The following SFXN5 variants were observed in gnomAD, a reference collection of about 807,000 sequenced individuals.
The protein encoded by SFXN5 is sideroflexin 5, also known as sideroflexin-5.
SFXN5 carries 43 observed loss-of-function variants against 50.2 expected under a neutral mutation model. The ratio of observed to expected loss-of-function variants is 0.86; its 90% CI spans 0.67 to 1.11. SFXN5 has a LOEUF of 1.11. SFXN5 is among the 50% of genes least tolerant of loss of function. The pLI, the probability that SFXN5 is intolerant of heterozygous loss-of-function variation, is 0.00. For missense variants in SFXN5, 463 were observed against 454.1 expected (o/e 1.02, Z -0.18); for synonymous variants, 203 against 185.8 (o/e 1.09, Z -0.75).
chr2:73,007,558 G>C (rs1674868593), intron 6 of SFXN5, among the ~76,000 whole-genome samples: 1 of 152,076 alleles, frequency 6.6e-6, no homozygotes, highest in African/African-American at 2.4e-5. Context: ...TCAGCAAAAA[G>C]CTGTGGAAAG....
chr2:73,067,888 TG>T (rs1683289919), intron 1 of SFXN5, among the ~76,000 whole-genome samples: 1 of 152,230 alleles, frequency 6.6e-6, no homozygotes, highest in African/African-American at 2.4e-5. Flanking sequence ...AATCTGTTTG[TG>T]TGCTGTAGTT....
chr2:73,061,616 TAA>T (rs1304931947), intron 1 of SFXN5, among the ~76,000 whole-genome samples: 1 of 152,150 alleles, frequency 6.6e-6, no homozygotes, highest in Non-Finnish European at 1.5e-5. Context: ...TCTGTAAGAC[TAA>T]AAGTGTTTCA....
chr2:72,976,405 C>T (rs1009445744), intron 10 of SFXN5, among the ~76,000 whole-genome samples: 26 of 152,044 alleles, frequency 1.7e-4, no homozygotes, highest in Non-Finnish European at 8.8e-5. Flanking sequence ...TACAACATGT[C>T]GGCTTCCTAA....
At chr2:73,042,911 C>T (rs1421614669) in intron 2 of SFXN5, among the ~76,000 whole-genome samples, 3 of 147,398 alleles carry the variant, frequency 2.0e-5, no homozygotes, top group Non-Finnish European at 3.0e-5. Flanking sequence ...ATTAAAAATA[C>T]AAAAAAATTA....
intron 3 of SFXN5, among the ~76,000 whole-genome samples, chr2:73,036,335 G>A (rs1678975628): frequency 6.6e-6 from 1 of 152,198 alleles, no homozygotes; most frequent in South Asian, 2.1e-4. Context: ...TGGTGCTGGG[G>A]GAGCCAGGAG....
In SFXN5 at chr2:72,960,774, C is replaced by T. The variant is rs970939368; in HGVS notation, c.945+357G>A. ...TCAGAACCTTCACACCAGGTGTCCGCGGACCTCACATCTCCCCCCGCCACC... is the reference window on the plus strand; with the variant it reads ...TCAGAACCTTCACACCAGGTGTCCGTGGACCTCACATCTCCCCCCGCCACC... On this transcript the variant is annotated intron_variant, in intron 13 of 13. Coordinates refer to ENST00000272433, the MANE Select transcript of SFXN5 (RefSeq NM_144579.3). The surrounding 1 kb of genome is among the most constrained non-coding windows in gnomAD (Gnocchi z 6.1). Among the ~76,000 whole-genome samples, 1 of 152,128 alleles carries T rather than the reference C, an allele frequency of 6.6e-6. No homozygotes were observed. Among genetic ancestry groups the T allele is most frequent in the South Asian group, 2.1e-4 (1 of 4,826 alleles).
At chr2:72,982,824 G>A (rs566104047) in intron 10 of SFXN5, among the ~76,000 whole-genome samples, 33 of 152,326 alleles carry the variant, frequency 2.2e-4, no homozygotes, top group African/African-American at 5.8e-4. Flanking sequence ...CCTGGGGCCC[G>A]GCAAGAGGGA....
intron 6 of SFXN5, among the ~76,000 whole-genome samples, chr2:73,017,770 T>C (rs1380491946): frequency 6.6e-6 from 1 of 152,190 alleles, no homozygotes; most frequent in African/African-American, 2.4e-5. Context: ...TTGTATCTCC[T>C]AGCTCTGTCC....
intron 9 of SFXN5, among the ~76,000 whole-genome samples, chr2:72,996,156 G>C (rs1230304677): frequency 6.6e-6 from 1 of 152,210 alleles, no homozygotes; most frequent in African/African-American, 2.4e-5. Context: ...TGTGAGTGGG[G>C]AGGACAGGAG....
chr2:72,955,025 G>A (rs1672922540), intron 13 of SFXN5, among the ~76,000 whole-genome samples: 1 of 152,210 alleles, frequency 6.6e-6, no homozygotes, highest in Non-Finnish European at 1.5e-5. Flanking sequence ...CCAGCCAGAG[G>A]GGCAGAGGGC....
chr2:72,943,064 C>T lies in SFXN5; in HGVS notation c.*1958G>A, dbSNP rs913227749. The T allele has an allele frequency of 6.6e-6, 1 of 152,394 alleles. No homozygotes were observed. Among genetic ancestry groups the T allele is most frequent in the African/African-American group, 2.4e-5 (1 of 41,464 alleles). 9.4% of individuals were successfully genotyped at this position (152,394 alleles called of 1,614,324 possible). On this transcript the variant is annotated 3_prime_UTR_variant, in exon 14 of 14. Coordinates refer to ENST00000272433, the MANE Select transcript of SFXN5 (RefSeq NM_144579.3). ...GGGATTGGCTCAAAAAGGCCTGCCC[C>T]TCCAACACCATGGCACCCCCACACT...
intron 6 of SFXN5, among the ~76,000 whole-genome samples, chr2:73,006,252 G>A (rs1041973899): frequency 1.3e-5 from 2 of 152,142 alleles, no homozygotes; most frequent in Admixed American, 6.5e-5. Context: ...ACCCTCAGTT[G>A]ACCATAGTGA....
At chr2:73,000,683 G>A (rs912518268) in intron 7 of SFXN5, among the ~76,000 whole-genome samples, 196 bp from the exon 8 acceptor site, 1 of 152,154 alleles carries the variant, frequency 6.6e-6, no homozygotes, top group Non-Finnish European at 1.5e-5. Flanking sequence ...AGCACTGGAA[G>A]CCCTGCCTCT....
At chr2:73,021,188 G>T (rs1676841383) in intron 5 of SFXN5, among the ~76,000 whole-genome samples, 1 of 152,122 alleles carries the variant, frequency 6.6e-6, no homozygotes, top group Non-Finnish European at 1.5e-5. Context: ...GCAGGGACTG[G>T]GAAGCATCTA....
rs1682257621 is a variant in SFXN5 at position 73,057,186 on chromosome 2, T to TGGAG, written c.171+1338_171+1341dup. 2.0e-5 allele frequency among the ~76,000 whole-genome samples: 3 copies of TGGAG among 152,180 alleles called. No individual in the cohort carries two copies. In the South Asian group the frequency reaches 6.2e-4, roughly 31 times the overall value. ...TAGGGTCTCACTCTGTTACTCAGGC[T>TGGAG]GGAGTGCAGTGGTACAATCATGGTT... On this transcript the variant is annotated intron_variant, in intron 2 of 13. Coordinates refer to ENST00000272433, the MANE Select transcript of SFXN5 (RefSeq NM_144579.3).
intron 1 of SFXN5, chr2:73,071,382 T>G: frequency 3.8e-6 from 2 of 527,534 alleles, no homozygotes; most frequent in South Asian, 2.5e-5. Flanking sequence ...AGTCGGGGAG[T>G]GACGGCGCCA....
intron 3 of SFXN5, among the ~76,000 whole-genome samples, chr2:73,038,996 G>A (rs1030764368): frequency 3.3e-5 from 5 of 152,060 alleles, no homozygotes; most frequent in African/African-American, 4.8e-5. Context: ...GCGTGATCTC[G>A]ACTCACTGCA....
At chr2:72,947,614 G>A (rs909972025) in intron 13 of SFXN5, among the ~76,000 whole-genome samples, 1 of 152,210 alleles carries the variant, frequency 6.6e-6, no homozygotes, top group Non-Finnish European at 1.5e-5. Flanking sequence ...GTCATGTCTG[G>A]GCTGTGCACA....
chr2:72,954,404 C>T (rs1013130004), intron 13 of SFXN5, among the ~76,000 whole-genome samples: 29 of 152,226 alleles, frequency 1.9e-4, no homozygotes, highest in African/African-American at 6.3e-4. Context: ...GCTGAGGCTT[C>T]AGGGAAGGCA....
Sources: allele counts gnomAD v4.1 joint callset (sites outside exome capture counted in the v4.1 genomes callset), GRCh38; gene constraint gnomAD v4.1.1; non-coding constraint Gnocchi (gnomAD v3.1); transcripts MANE v1.5; gene names NCBI Gene and HGNC (gene_info 2026-07-23, HGNC 2026-07-21).